Variants in ADISSP observed in about 807,000 individuals in gnomAD.
ADISSP encodes the protein adipose secreted signaling protein.
At chr20:3,753,853 C>T in the ADISSP span, 3 of 601,246 alleles carry the variant, frequency 5.0e-6, no homozygotes, top group Non-Finnish European at 8.9e-6. Context: ...CTGAGGCACA[C>T]AGAGAGGAGG....
At chr20:3,757,450 T>C in the ADISSP span, among the ~76,000 whole-genome samples, 2 of 152,248 alleles carry the variant, frequency 1.3e-5, no homozygotes. Flanking sequence ...ATATTTTCTC[T>C]GTCTTCCAAA....
the ADISSP span, chr20:3,754,220 A>G: frequency 6.5e-7 from 1 of 1,528,328 alleles, no homozygotes; most frequent in Non-Finnish European, 9.0e-7. Context: ...GCGGCCCACT[A>G]AGGGGACCCC....
At chr20:3,754,529 G>C in the ADISSP span, 1 of 1,604,796 alleles carries the variant, frequency 6.2e-7, no homozygotes, top group South Asian at 1.1e-5. Flanking sequence ...CCTGCCCGGG[G>C]ACAGGGGCAA....
chr20:3,762,027 C>G, the ADISSP span, among the ~76,000 whole-genome samples: 3 of 152,152 alleles, frequency 2.0e-5, no homozygotes, highest in Admixed American at 6.5e-5. Context: ...GTGGCTCACG[C>G]CTGTAATCCC....
the ADISSP span, chr20:3,753,714 G>A: frequency 7.7e-5 from 29 of 376,540 alleles, no homozygotes; most frequent in Non-Finnish European, 1.1e-4. Flanking sequence ...AGCCAGCTCC[G>A]TCCTCTCCCA....
the ADISSP span, among the ~76,000 whole-genome samples, chr20:3,764,572 A>G: frequency 1.3e-5 from 2 of 152,238 alleles, no homozygotes; most frequent in Non-Finnish European, 2.9e-5. Context: ...GGACAGGACT[A>G]CAGCTCTTTT....
At chr20:3,754,644 C>A in the ADISSP span, 90 of 980,684 alleles carry the variant, frequency 9.2e-5, no homozygotes, top group Non-Finnish European at 1.3e-4. Flanking sequence ...AAGAAAGGGG[C>A]AGGGATGGCC....
chr20:3,754,160 T>C, the ADISSP span: 1 of 1,604,592 alleles, frequency 6.2e-7, no homozygotes, highest in South Asian at 1.1e-5. Context: ...GGTGCCGGTC[T>C]GCAAGGCAGG....
the ADISSP span, among the ~76,000 whole-genome samples, chr20:3,764,519 C>A: frequency 5.7e-3 from 874 of 152,324 alleles, 7 homozygotes; most frequent in African/African-American, 0.02. Flanking sequence ...AGGGTCTCAG[C>A]CCCAACATTT....
the ADISSP span, chr20:3,758,677 G>A: frequency 1.9e-6 from 3 of 1,613,824 alleles, no homozygotes; most frequent in African/African-American, 1.3e-5. This position sits in a 1 kb window ranked among gnomAD's most constrained non-coding sequence, Gnocchi z 5.5. Flanking sequence ...TGGGCTTGTT[G>A]CCTAGGAAGA....
the ADISSP span, among the ~76,000 whole-genome samples, chr20:3,763,114 G>A: frequency 6.6e-6 from 1 of 151,940 alleles, no homozygotes; most frequent in Non-Finnish European, 1.5e-5. Context: ...AAATCAGCTA[G>A]GCATGGTGGT....
the ADISSP span, among the ~76,000 whole-genome samples, chr20:3,762,447 T>C: frequency 6.6e-6 from 1 of 152,084 alleles, no homozygotes; most frequent in Non-Finnish European, 1.5e-5. Context: ...TCCAGCTCAC[T>C]GCCACCGTAA....
At chr20:3,761,556 G>A in the ADISSP span, among the ~76,000 whole-genome samples, 5 of 152,082 alleles carry the variant, frequency 3.3e-5, no homozygotes, top group African/African-American at 7.2e-5. Flanking sequence ...GGCTGGTCTC[G>A]AACTCCTGAC....
chr20:3,757,239 A>G, the ADISSP span, among the ~76,000 whole-genome samples: 1 of 151,912 alleles, frequency 6.6e-6, no homozygotes. Context: ...AATCCCAGCT[A>G]CTCTGGAGGC....
the ADISSP span, chr20:3,754,155 C>T: frequency 8.7e-6 from 14 of 1,610,348 alleles, no homozygotes; most frequent in Middle Eastern, 1.7e-4. Flanking sequence ...GCCGTGGTGC[C>T]GGTCTGCAAG....
At chr20:3,765,957 T>C in the ADISSP span, among the ~76,000 whole-genome samples, 5 of 152,160 alleles carry the variant, frequency 3.3e-5, no homozygotes, top group East Asian at 9.6e-4. Context: ...CAGCCCAGGG[T>C]GCAGGAAGAG....
chr20:3,757,777 C>CAT, the ADISSP span, among the ~76,000 whole-genome samples: 2 of 152,052 alleles, frequency 1.3e-5, no homozygotes, highest in Admixed American at 1.3e-4. Context: ...TACAGGCGTG[C>CAT]GCCACCACGC....
the ADISSP span, among the ~76,000 whole-genome samples, chr20:3,761,579 G>A: frequency 0.21 from 31,204 of 152,084 alleles, 3,922 homozygotes; most frequent in East Asian, 0.36. Context: ...CAAGCAATCC[G>A]CTCACTTCGG....
the ADISSP span, chr20:3,768,317 A>G: frequency 6.6e-6 from 1 of 152,444 alleles, no homozygotes; most frequent in African/African-American, 2.4e-5. Context: ...CCCTGTCTCG[A>G]AAGAAGCAAC....
Sources: allele counts gnomAD v4.1 joint callset (sites outside exome capture counted in the v4.1 genomes callset), GRCh38; gene constraint gnomAD v4.1.1; non-coding constraint Gnocchi (gnomAD v3.1); transcripts MANE v1.5; gene names NCBI Gene and HGNC (gene_info 2026-07-23, HGNC 2026-07-21).